The following RASA1 variants were observed in gnomAD, a reference collection of about 807,000 sequenced individuals.
RASA1 encodes RAS p21 protein activator 1.
Under a neutral mutation model 132.2 loss-of-function variants are expected in RASA1, and 25 were observed. The ratio of observed to expected loss-of-function variants is 0.19; its 90% CI spans 0.14 to 0.26. The LOEUF (loss-of-function observed/expected upper bound fraction) is 0.26, where lower values mean the gene tolerates loss of function less well. RASA1 is among the 10% of genes least tolerant of loss of function. The probability of loss-of-function intolerance (pLI) is 1.00; values close to 1 mark genes in which losing one functional copy is unlikely to be tolerated. For synonymous variants in RASA1, 477 were observed against 449.9 expected (o/e 1.06, Z -0.76); for missense variants, 964 against 1,299.2 (o/e 0.74, Z 3.97).
chr5:87,338,536 A>ATATATATATATATATATATATT lies in RASA1; in HGVS notation c.1017+446_1017+447insATATATATATATATATATATTT. 2.5e-4 allele frequency among the ~76,000 whole-genome samples: 21 copies of ATATATATATATATATATATATT among 85,202 alleles called. No individual in the cohort carries two copies. The East Asian group carries it at 3.0e-3, about 12-fold the overall frequency. The allele number at this position is 85,202 out of a possible 152,430, so 55.9% of individuals were successfully genotyped here. On this transcript the variant is annotated intron_variant, in intron 5 of 24. Coordinates refer to ENST00000274376, the MANE Select transcript of RASA1 (RefSeq NM_002890.3). Reference sequence around the variant, plus strand: ...ATATATATATATATATATATATAAAATTTTTTTTTTTTTTAAGTAGAAATG... The same window carrying ATATATATATATATATATATATT: ...ATATATATATATATATATATATAAAATATATATATATATATATATATTTTTTTTTTTTTTTTAAGTAGAAATG...
intron 1 of RASA1, among the ~76,000 whole-genome samples, chr5:87,287,482 CACACCATATATAT>C (rs566145445): frequency 0.035 from 5,078 of 145,856 alleles, 195 homozygotes; most frequent in African/African-American, 0.084. Flanking sequence ...CATATATATA[CACACCATATATAT>C]ACACCATATA....
chr5:87,354,117 C>G (rs1464556155), intron 9 of RASA1, among the ~76,000 whole-genome samples: 1 of 151,408 alleles, frequency 6.6e-6, no homozygotes, highest in African/African-American at 2.4e-5. Context: ...ATAGCTACTA[C>G]TTATTGCAGT....
chr5:87,286,033 C>T (rs573541864), intron 1 of RASA1, among the ~76,000 whole-genome samples: 13 of 152,042 alleles, frequency 8.6e-5, no homozygotes, highest in South Asian at 8.3e-4. Context: ...GATGGAGTTT[C>T]GCTCTGTAGC....
chr5:87,390,510 G>A (rs1362200528), intron 24 of RASA1, among the ~76,000 whole-genome samples: 1 of 151,574 alleles, frequency 6.6e-6, no homozygotes, highest in Admixed American at 6.6e-5. Flanking sequence ...TTAAAAGAGA[G>A]ATAAACTGCT....
intron 4 of RASA1, among the ~76,000 whole-genome samples, chr5:87,337,163 T>C (rs1758037203): frequency 6.6e-6 from 1 of 152,120 alleles, no homozygotes; most frequent in Non-Finnish European, 1.5e-5. Flanking sequence ...ATGCATTCTT[T>C]TAAGCCTGAA....
intron 1 of RASA1, chr5:87,269,346 C>T: frequency 6.6e-7 from 1 of 1,513,914 alleles, no homozygotes; most frequent in South Asian, 1.2e-5. Context: ...TGTATATTAA[C>T]TTGTGTGTGT....
chr5:87,293,036 A>G (rs562437452), intron 1 of RASA1, among the ~76,000 whole-genome samples: 4 of 152,240 alleles, frequency 2.6e-5, no homozygotes, highest in African/African-American at 2.4e-5. Flanking sequence ...TACCTAGACA[A>G]TCCTGTCATC....
intron 1 of RASA1, among the ~76,000 whole-genome samples, chr5:87,323,029 T>C (rs371374431): frequency 2.0e-5 from 3 of 152,136 alleles, no homozygotes; most frequent in African/African-American, 7.2e-5. Context: ...GCCTGGCGTT[T>C]AGGAAGGAAG....
intron 1 of RASA1, among the ~76,000 whole-genome samples, chr5:87,320,858 C>G (rs1242630033): frequency 6.6e-6 from 1 of 152,186 alleles, no homozygotes; most frequent in African/African-American, 2.4e-5. Flanking sequence ...TGTGAAAAGA[C>G]AAGGTGAAAA....
rs1208210290 is a variant in RASA1 at position 87,379,598 on chromosome 5, T to C, written c.2488-137T>C. 4.1e-6 allele frequency: 5 copies of C among 1,231,288 alleles called. No homozygotes were observed. In the African/African-American group the frequency reaches 6.2e-5, roughly 15 times the overall value. 76.3% of individuals were successfully genotyped at this position (1,231,288 alleles called of 1,614,324 possible). On this transcript the variant is annotated intron_variant, in intron 18 of 24. Transcript: ENST00000274376. ...GAAAACTACTTAAAAACTCCCATTA[T>C]ACAAAGAAAAAAGATCAATACACAC...
chr5:87,370,868 A>G (rs1479972346), intron 12 of RASA1, among the ~76,000 whole-genome samples: 1 of 152,172 alleles, frequency 6.6e-6, no homozygotes, highest in Non-Finnish European at 1.5e-5. Flanking sequence ...TGAGACTCAC[A>G]GAATAAACCT....
At chr5:87,331,029 G>A in intron 1 of RASA1, 1 of 1,314,182 alleles carries the variant, frequency 7.6e-7, no homozygotes, top group South Asian at 1.6e-5. Flanking sequence ...ATTTTTCTAA[G>A]TAAAGATCTG....
intron 1 of RASA1, among the ~76,000 whole-genome samples, chr5:87,284,284 A>G (rs1190084441): frequency 1.3e-5 from 2 of 152,192 alleles, no homozygotes; most frequent in Non-Finnish European, 2.9e-5. Context: ...GCCACGGTAT[A>G]GGAATTCTTT....
At chr5:87,383,607 T>C (rs574278449) in intron 20 of RASA1, 106 bp from the exon 21 acceptor site, 81 of 794,682 alleles carry the variant, frequency 1.0e-4, no homozygotes, top group Middle Eastern at 7.4e-4. Context: ...GTGAATTTTA[T>C]GGGTTCTATG....
chr5:87,327,789 A>G (rs1580271113), intron 1 of RASA1, among the ~76,000 whole-genome samples: 1 of 151,906 alleles, frequency 6.6e-6, no homozygotes, highest in African/African-American at 2.4e-5. Flanking sequence ...ACATGGTGAA[A>G]CCCCGTCTCT....
At chr5:87,354,287 A>G (rs1014140243) in intron 9 of RASA1, among the ~76,000 whole-genome samples, 2 of 152,126 alleles carry the variant, frequency 1.3e-5, no homozygotes, top group Non-Finnish European at 2.9e-5. Flanking sequence ...TACAAATTGA[A>G]GGTTTGTGGC....
chr5:87,360,997 G>A (rs1760045683), intron 9 of RASA1, among the ~76,000 whole-genome samples: 2 of 152,042 alleles, frequency 1.3e-5, no homozygotes, highest in South Asian at 2.1e-4. Flanking sequence ...AAAAGATGCC[G>A]CAATACTTTG....
intron 6 of RASA1, among the ~76,000 whole-genome samples, chr5:87,346,182 A>G (rs1052676150): frequency 1.3e-5 from 2 of 152,044 alleles, no homozygotes; most frequent in East Asian, 3.9e-4. Flanking sequence ...TGATGGTGCT[A>G]TCCACTCATT....
At chr5:87,317,442 A>G (rs149348138) in intron 1 of RASA1, among the ~76,000 whole-genome samples, 289 of 152,234 alleles carry the variant, frequency 1.9e-3, no homozygotes, top group African/African-American at 6.6e-3. Flanking sequence ...TAGACTAGAT[A>G]TCTGAAAGCT....
Sources: gnomAD v4.1 joint callset for allele counts (sites outside exome capture counted in the v4.1 genomes callset) on GRCh38, gnomAD v4.1.1 for gene constraint, MANE v1.5 for transcripts, NCBI Gene and HGNC (gene_info 2026-07-23, HGNC 2026-07-21) for gene names.